Variants in MACROD2 observed in about 807,000 individuals in gnomAD.
MACROD2 encodes mono-ADP ribosylhydrolase 2.
In MACROD2, 36 loss-of-function variants were observed where a neutral mutation model predicts 70.4. The ratio of observed to expected loss-of-function variants is 0.51; its 90% CI spans 0.39 to 0.68. MACROD2 has a LOEUF of 0.68. Among genes scored for constraint, MACROD2 ranks in the 30% least tolerant of loss-of-function variants. The pLI is 0.00. For synonymous variants in MACROD2, 172 were observed against 178.8 expected, an observed-to-expected ratio of 0.96 and a Z score of 0.30; for missense variants, 496 against 538.4, an observed-to-expected ratio of 0.92 and a Z score of 0.78.
At chr20:14,569,963 T>G (rs1980078723) in intron 4 of MACROD2, among the ~76,000 whole-genome samples, 2 of 152,042 alleles carry the variant, frequency 1.3e-5, no homozygotes, top group African/African-American at 2.4e-5. Context: ...GAAACATATT[T>G]GGTAATAGAA....
rs548308399 is a variant in MACROD2 at position 14,850,777 on chromosome 20, A to T, written c.418+165818A>T. ...GATGTCTTATTAGTCAGAATGGAAG[A>T]CAACGGACTGGTAAATATTATAATT... On this transcript the variant is annotated intron_variant, in intron 5 of 17. Coordinates refer to ENST00000684519, the MANE Select transcript of MACROD2 (RefSeq NM_001351661.2). Among the ~76,000 whole-genome samples the T allele has an allele frequency of 5.9e-5, 9 of 152,316 alleles. No individual in the cohort carries two copies. In the South Asian group the frequency reaches 1.9e-3, roughly 32 times the overall value.
At chr20:15,845,573 C>T (rs1478187735) in intron 8 of MACROD2, among the ~76,000 whole-genome samples, 1 of 151,874 alleles carries the variant, frequency 6.6e-6, no homozygotes, top group Admixed American at 6.6e-5. Context: ...AGAAAGAGAC[C>T]ACCATGAATG....
intron 5 of MACROD2, among the ~76,000 whole-genome samples, chr20:15,101,829 G>A (rs1463502202): frequency 6.6e-6 from 1 of 151,838 alleles, no homozygotes; most frequent in Non-Finnish European, 1.5e-5. Flanking sequence ...TTAAAGTATT[G>A]ATTATTTAAT....
At chr20:14,056,180 C>T (rs2053628940) in intron 2 of MACROD2, among the ~76,000 whole-genome samples, 1 of 151,724 alleles carries the variant, frequency 6.6e-6, no homozygotes, top group African/African-American at 2.4e-5. Flanking sequence ...CTGTTTTGTT[C>T]AGTTTAAAAA....
intron 6 of MACROD2, among the ~76,000 whole-genome samples, chr20:15,328,001 A>G (rs2077950481): frequency 6.6e-6 from 1 of 152,082 alleles, no homozygotes; most frequent in Non-Finnish European, 1.5e-5. Context: ...TAAATTATAT[A>G]GTATGTTAAA....
intron 3 of MACROD2, among the ~76,000 whole-genome samples, chr20:14,285,109 G>T (rs718705): frequency 0.65 from 99,457 of 151,866 alleles, 33,422 homozygotes; most frequent in Non-Finnish European, 0.73. Context: ...AGAAAGGAAA[G>T]AAAAAAATAC....
chr20:15,486,584 C>T (rs2047166427), intron 7 of MACROD2, among the ~76,000 whole-genome samples: 1 of 152,106 alleles, frequency 6.6e-6, no homozygotes, highest in East Asian at 1.9e-4. Flanking sequence ...GGATTCAATG[C>T]CTGGTAGGTC....
chr20:14,681,790 A>G (rs116439749), intron 4 of MACROD2, among the ~76,000 whole-genome samples: 1 of 152,274 alleles, frequency 6.6e-6, no homozygotes, highest in African/African-American at 2.4e-5. Context: ...AATGTAATAG[A>G]GTGCTTCGAT....
chr20:14,490,136 T>G (rs1195171830), intron 3 of MACROD2, among the ~76,000 whole-genome samples: 1 of 152,240 alleles, frequency 6.6e-6, no homozygotes, highest in African/African-American at 2.4e-5. Flanking sequence ...TATTCACTTT[T>G]TTTGGTTTTA....
At position 14,630,022 on chromosome 20, in the gene MACROD2, C is replaced by CA. The variant is rs1214375123; in HGVS notation, c.302-54819dup. On this transcript the variant is annotated intron_variant, in intron 4 of 17. Transcript: ENST00000684519. ...ATCCATCCCCTTTTAAGATTCACGACAACCCCATGAATTGGTACTATTATT... is the reference window on the plus strand; with the variant it reads ...ATCCATCCCCTTTTAAGATTCACGACAAACCCCATGAATTGGTACTATTATT... Among the ~76,000 whole-genome samples the CA allele has an allele frequency of 3.3e-5, 5 of 151,840 alleles. No homozygotes were observed. The East Asian group carries it at 9.6e-4, about 29-fold the overall frequency.
Position 14,247,374 on chromosome 20 carries a change from GGTT to G in MACROD2, c.271+161652_271+161654del, listed in dbSNP as rs1005289561. Among the ~76,000 whole-genome samples, 15 of 152,274 alleles carry G rather than the reference GGTT, an allele frequency of 9.9e-5. No individual in the cohort carries two copies. The South Asian group carries it at 1.9e-3, about 19-fold the overall frequency. On this transcript the variant is annotated intron_variant, in intron 3 of 17. Transcript: ENST00000684519. Reference sequence around the variant, plus strand: ...GCATTGTCATTGTCAACATCTCACTGGTTGTTGTGGTTATGTGGACTTTTGCAG... The same window carrying G: ...GCATTGTCATTGTCAACATCTCACTGGTTGTGGTTATGTGGACTTTTGCAG...
In MACROD2 at chr20:15,468,429, TGATTTCACAGTTGAC is replaced by T. The variant is rs1400659919; in HGVS notation, c.572-31344_572-31330del. ...TCCTGTTCCATTCCTCATGCTCTGA[TGATTTCACAGTTGAC>T]TAGTGATTTGCACCTTGCTTCAAAT... On this transcript the variant is annotated intron_variant, in intron 7 of 17. Transcript: ENST00000684519. Among the ~76,000 whole-genome samples, 3 of 152,222 alleles carry T rather than the reference TGATTTCACAGTTGAC, an allele frequency of 2.0e-5. No homozygotes were observed. The East Asian group carries it at 5.8e-4, about 29-fold the overall frequency.
intron 8 of MACROD2, among the ~76,000 whole-genome samples, chr20:15,513,575 T>C (rs1467070235): frequency 1.3e-5 from 2 of 152,192 alleles, no homozygotes; most frequent in Non-Finnish European, 2.9e-5. Context: ...TGTGTGTGTG[T>C]GCGTGCACGT....
At chr20:15,538,962 C>T (rs1175881694) in intron 8 of MACROD2, among the ~76,000 whole-genome samples, 1 of 151,328 alleles carries the variant, frequency 6.6e-6, no homozygotes, top group Non-Finnish European at 1.5e-5. Flanking sequence ...TATGGGCATA[C>T]CTAATAAATA....
At chr20:15,521,590 CAGAG>C (rs1216285859) in intron 8 of MACROD2, among the ~76,000 whole-genome samples, 1 of 152,268 alleles carries the variant, frequency 6.6e-6, no homozygotes, top group African/African-American at 2.4e-5. Context: ...ATCTGGGAGA[CAGAG>C]AGTTTTATGA....
intron 4 of MACROD2, among the ~76,000 whole-genome samples, chr20:14,548,961 C>T (rs1467812558): frequency 6.6e-6 from 1 of 152,158 alleles, no homozygotes; most frequent in African/African-American, 2.4e-5. Context: ...GGTGAGAGCA[C>T]TGGAGGACAT....
chr20:15,194,668 A>C (rs2076593722), intron 5 of MACROD2, among the ~76,000 whole-genome samples: 1 of 152,204 alleles, frequency 6.6e-6, no homozygotes, highest in African/African-American at 2.4e-5. Flanking sequence ...TCTTAAAAAC[A>C]ATTATATTAC....
At chr20:14,873,756 G>C (rs1311211872) in intron 5 of MACROD2, among the ~76,000 whole-genome samples, 1 of 152,064 alleles carries the variant, frequency 6.6e-6, no homozygotes, top group African/African-American at 2.4e-5. Context: ...CTACTCAGGA[G>C]GCTGATGCAG....
At chr20:15,142,668 C>G (rs1734915) in intron 5 of MACROD2, among the ~76,000 whole-genome samples, 3 of 143,182 alleles carry the variant, frequency 2.1e-5, no homozygotes, top group Non-Finnish European at 4.6e-5. Context: ...TCCCTCCCCC[C>G]ACCCCATGAC....
Sources: allele counts gnomAD v4.1 joint callset (sites outside exome capture counted in the v4.1 genomes callset), GRCh38; gene constraint gnomAD v4.1.1; transcripts MANE v1.5; gene names NCBI Gene and HGNC (gene_info 2026-07-23, HGNC 2026-07-21).